The following ZBED6 variants were observed in gnomAD, a reference collection of about 807,000 sequenced individuals.
ZBED6 encodes the protein zinc finger BED-type containing 6.
A neutral mutation model predicts 58.4 loss-of-function variants in ZBED6; 40 were observed. The observed-to-expected ratio is 0.68, with a 90% CI of 0.53 to 0.89. The LOEUF (loss-of-function observed/expected upper bound fraction) is 0.89, where lower values mean the gene tolerates loss of function less well. Ranked by LOEUF, ZBED6 falls within the 40% of genes least tolerant of loss-of-function variation. The pLI, the probability that ZBED6 is intolerant of heterozygous loss-of-function variation, is 0.00. For missense variants in ZBED6, 1,057 were observed against 1,003.9 expected, an observed-to-expected ratio of 1.05 and a Z score of -0.71; for synonymous variants, 439 against 350.6, an observed-to-expected ratio of 1.25 and a Z score of -2.82.
At chr1:203,849,155 G>A (rs2103433576) in intron 13 of ZBED6, among the ~76,000 whole-genome samples, 1 of 152,294 alleles carries the variant, frequency 6.6e-6, no homozygotes. Flanking sequence ...AACGTGTTGG[G>A]ATTACATGTG....
chr1:203,846,160 T>TTG lies in ZBED6; in HGVS notation c.*3742-1024_*3742-1023insTG, dbSNP rs1553270782. On this transcript the variant is annotated intron_variant, in intron 11 of 16. Transcript: ENST00000550078. The stretch of plus-strand genomic sequence containing the variant: ...AGATTTTGAAAAGATATAATTTTTT[T>TTG]GGGGGGGGGGTTCATTAAAAGCTGT... Among the ~76,000 whole-genome samples the TTG allele has an allele frequency of 8.2e-3, 1,077 of 132,028 alleles. 21 individuals are homozygous for TTG. Among genetic ancestry groups the TTG allele is most frequent in the African/African-American group, 0.028 (1,029 of 36,566 alleles). The allele number at this position is 132,028 out of a possible 152,430, so 86.6% of individuals were successfully genotyped here. A position where few individuals can be genotyped will look rare whatever the true frequency, so the allele number is the denominator to read the frequency against.
exon 1 of ZBED6, chr1:203,799,780 C>G (rs769110751): frequency 1.9e-6 from 2 of 1,027,220 alleles, no homozygotes; most frequent in Admixed American, 2.0e-5. Flanking sequence ...GAAACAGATA[C>G]CCTACTAAGT....
chr1:203,845,745 G>C (rs1046874914), intron 11 of ZBED6, among the ~76,000 whole-genome samples: 4 of 152,004 alleles, frequency 2.6e-5, no homozygotes, highest in African/African-American at 9.7e-5. Flanking sequence ...GGCACCTGTA[G>C]GCCCAGCTAC....
chr1:203,849,273 G>T (rs999683069), intron 13 of ZBED6, among the ~76,000 whole-genome samples: 4 of 152,148 alleles, frequency 2.6e-5, no homozygotes, highest in African/African-American at 9.7e-5. Context: ...ACTCTACAGT[G>T]TATCATTTTA....
At chr1:203,798,588 C>G (rs1174668003) in exon 1 of ZBED6, 2 of 1,535,970 alleles carry the variant, frequency 1.3e-6, no homozygotes, top group Non-Finnish European at 1.7e-6. Context: ...TACAGGCAGC[C>G]AAGATTTAAC....
chr1:203,824,787 A>G (rs1477330611), intron 3 of ZBED6, among the ~76,000 whole-genome samples: 5 of 152,136 alleles, frequency 3.3e-5, no homozygotes, highest in South Asian at 4.1e-4. Flanking sequence ...TATAGAGAAA[A>G]TAGATTGTTA....
intron 1 of ZBED6, among the ~76,000 whole-genome samples, chr1:203,812,954 A>G (rs1675017420): frequency 6.6e-6 from 1 of 152,056 alleles, no homozygotes; most frequent in Non-Finnish European, 1.5e-5. Context: ...TCAAATGCTT[A>G]TTTTCCATCT....
chr1:203,807,987 C>T (rs912624332), intron 1 of ZBED6, among the ~76,000 whole-genome samples: 2 of 152,118 alleles, frequency 1.3e-5, no homozygotes, highest in East Asian at 3.8e-4. Context: ...AGCAGTCCTC[C>T]TGTCTCGGCC....
intron 3 of ZBED6, among the ~76,000 whole-genome samples, chr1:203,824,709 A>G (rs946163980): frequency 6.6e-6 from 1 of 152,162 alleles, no homozygotes; most frequent in Non-Finnish European, 1.5e-5. Flanking sequence ...GCTGCTTAAA[A>G]TGGCTCCTAG....
intron 11 of ZBED6, among the ~76,000 whole-genome samples, chr1:203,845,603 G>T (rs552636323): frequency 1.3e-5 from 2 of 152,194 alleles, no homozygotes; most frequent in East Asian, 3.9e-4. Flanking sequence ...GGTGGCTCAC[G>T]CCTGTAATCC....
intron 13 of ZBED6, among the ~76,000 whole-genome samples, chr1:203,848,625 C>T (rs1380206378): frequency 6.6e-6 from 1 of 152,180 alleles, no homozygotes; most frequent in African/African-American, 2.4e-5. Flanking sequence ...CGGTGGCTCA[C>T]GCCTGTAATC....
At chr1:203,833,319 C>T (rs558867387) in intron 8 of ZBED6, among the ~76,000 whole-genome samples, 4 of 141,458 alleles carry the variant, frequency 2.8e-5, no homozygotes, top group South Asian at 2.3e-4. Context: ...GAGCCGAGAT[C>T]GGGCCACTGC....
chr1:203,840,640 T>TTTA (rs1558136097), intron 11 of ZBED6, among the ~76,000 whole-genome samples: 4 of 141,316 alleles, frequency 2.8e-5, no homozygotes, highest in South Asian at 4.7e-4. Context: ...TTATTTATTT[T>TTTA]ATTTATTTTT....
intron 1 of ZBED6, among the ~76,000 whole-genome samples, chr1:203,812,680 C>G (rs951528813): frequency 6.9e-6 from 1 of 144,740 alleles, no homozygotes; most frequent in Non-Finnish European, 1.5e-5. Context: ...CTCCTAGGTT[C>G]AAACGATTCT....
chr1:203,849,443 AT>A (rs1279120716), intron 13 of ZBED6, among the ~76,000 whole-genome samples: 1 of 152,182 alleles, frequency 6.6e-6, no homozygotes, highest in Non-Finnish European at 1.5e-5. Flanking sequence ...TTGTGCAGGT[AT>A]TTGATTATTT....
chr1:203,844,176 T>C (rs1687257887), intron 11 of ZBED6, among the ~76,000 whole-genome samples: 1 of 150,198 alleles, frequency 6.7e-6, no homozygotes, highest in African/African-American at 2.5e-5. Context: ...ATTTTTATTT[T>C]TGTTTGAGAC....
rs183964623 is a variant in ZBED6 at position 203,817,288 on chromosome 1, G to C, written c.*2753+164G>C. Among the ~76,000 whole-genome samples, 401 of 152,160 alleles carry C rather than the reference G, an allele frequency of 2.6e-3. 1 individual carries two copies. The highest frequency in any genetic ancestry group is 5.2e-3 in the Admixed American group (79 of 15,266). On this transcript the variant is annotated intron_variant, in intron 2 of 16. Coordinates refer to ENST00000550078, the Ensembl canonical transcript of ZBED6. ...AGGATAATGTATTTAGGGTAATTCA[G>C]TGTTTTTTTCTTTTCATTTTATATA...
At chr1:203,798,209 C>T (rs1328757381) in exon 1 of ZBED6, 4 of 1,536,076 alleles carry the variant, frequency 2.6e-6, no homozygotes, top group South Asian at 1.2e-5. Flanking sequence ...ATAGAATGGG[C>T]AAGAAGCATG....
chr1:203,833,821 C>G, exon 9 of ZBED6: 1 of 1,610,334 alleles, frequency 6.2e-7, no homozygotes, highest in Non-Finnish European at 8.5e-7. Context: ...TTGAGTCTTA[C>G]TGAGAGACTG....
Sources: gnomAD v4.1 joint callset for allele counts (sites outside exome capture counted in the v4.1 genomes callset) on GRCh38, gnomAD v4.1.1 for gene constraint, MANE v1.5 for transcripts, NCBI Gene and HGNC (gene_info 2026-07-23, HGNC 2026-07-21) for gene names.